Variants in PTPN9 observed in about 807,000 individuals in gnomAD.
The protein encoded by PTPN9 is protein tyrosine phosphatase non-receptor type 9, also known as tyrosine-protein phosphatase non-receptor type 9.
A neutral mutation model predicts 69.8 loss-of-function variants in PTPN9; 26 were observed. The ratio of observed to expected loss-of-function variants is 0.37; its 90% confidence interval spans 0.27 to 0.52. PTPN9 has a LOEUF of 0.52. PTPN9 is among the 20% of genes least tolerant of loss of function. The pLI, the probability that PTPN9 is intolerant of heterozygous loss-of-function variation, is 0.91. For synonymous variants in PTPN9, 274 were observed against 272.5 expected (o/e 1.01, Z -0.05); for missense variants, 549 against 740.3 (o/e 0.74, Z 3.00).
At chr15:75,484,366 G>T (rs946912086) in intron 8 of PTPN9, among the ~76,000 whole-genome samples, 3 of 152,180 alleles carry the variant, frequency 2.0e-5, no homozygotes, top group African/African-American at 7.2e-5. Context: ...AAGAAATAAA[G>T]CTACATCTCA....
chr15:75,484,485 G>A (rs990169754), intron 8 of PTPN9, among the ~76,000 whole-genome samples: 1 of 152,116 alleles, frequency 6.6e-6, no homozygotes, highest in Admixed American at 6.6e-5. Flanking sequence ...AACAGCTCCT[G>A]ACTACCTCTC....
intron 5 of PTPN9, among the ~76,000 whole-genome samples, chr15:75,509,489 G>A (rs1379914833): frequency 6.6e-6 from 1 of 152,172 alleles, no homozygotes; most frequent in Non-Finnish European, 1.5e-5. Context: ...GGGAGTTCAA[G>A]ACCAGCCTGG....
chr15:75,483,680 A>T (rs977848642), intron 8 of PTPN9, among the ~76,000 whole-genome samples: 1 of 152,212 alleles, frequency 6.6e-6, no homozygotes, highest in Admixed American at 6.5e-5. Context: ...TATACTTTAA[A>T]TAGGTAAATT....
At chr15:75,532,337 G>C (rs980630082) in intron 1 of PTPN9, among the ~76,000 whole-genome samples, 3 of 152,194 alleles carry the variant, frequency 2.0e-5, no homozygotes, top group Non-Finnish European at 4.4e-5. Context: ...AGGAGGCAGA[G>C]GTTGCAGTGA....
chr15:75,518,007 G>A (rs2074880666), intron 4 of PTPN9, among the ~76,000 whole-genome samples: 1 of 152,112 alleles, frequency 6.6e-6, no homozygotes, highest in Non-Finnish European at 1.5e-5. Context: ...CTCATTGATA[G>A]TAAATTTGTC....
intron 7 of PTPN9, among the ~76,000 whole-genome samples, chr15:75,503,232 A>C (rs1195165550): frequency 6.7e-6 from 1 of 148,944 alleles, no homozygotes; most frequent in Non-Finnish European, 1.5e-5. Context: ...GGAAGTGAGG[A>C]GCATCTCTGC....
chr15:75,478,356 C>T (rs904829746), intron 9 of PTPN9, among the ~76,000 whole-genome samples: 1 of 152,172 alleles, frequency 6.6e-6, no homozygotes, highest in Non-Finnish European at 1.5e-5. Flanking sequence ...CCACCTGCCT[C>T]GGCCTCCCAA....
At position 75,487,179 on chromosome 15, in the gene PTPN9, C is replaced by A. The variant is rs140311680; in HGVS notation, c.1062+3029G>T. The A allele has an allele frequency of 2.0e-5, 3 of 151,926 alleles. No homozygotes were observed. In the East Asian group the frequency reaches 5.8e-4, roughly 29 times the overall value. 9.4% of individuals were successfully genotyped at this position (151,926 alleles called of 1,614,324 possible). A position where few individuals can be genotyped will look rare whatever the true frequency, so the allele number is the denominator to read the frequency against. ...TGTATACCATAAATATATACAATTT[C>A]TATCAATTAAAATTTAAAAACAACT... is the stretch of plus-strand genomic sequence containing the variant. On this transcript the variant is annotated intron_variant, in intron 8 of 12. Coordinates refer to ENST00000618819, the MANE Select transcript of PTPN9 (RefSeq NM_002833.4).
intron 11 of PTPN9, among the ~76,000 whole-genome samples, 193 bp downstream of exon 11, chr15:75,470,487 A>G (rs1051019774): frequency 6.6e-6 from 1 of 152,194 alleles, no homozygotes; most frequent in Non-Finnish European, 1.5e-5. Flanking sequence ...CTTTACTCCT[A>G]TTTAATGTTC....
rs182643632 is a variant in PTPN9 at position 75,530,490 on chromosome 15, T to C, written c.64-3229A>G. On this transcript the variant is annotated intron_variant, in intron 1 of 12. Coordinates refer to ENST00000618819, the MANE Select transcript of PTPN9 (RefSeq NM_002833.4). ...ATTATAATAATAAAAATATATATTA[T>C]AATATATTATATTATAATATATTAT... Among the ~76,000 whole-genome samples the C allele has an allele frequency of 8.2e-3, 776 of 94,088 alleles. 37 individuals carry two copies. The highest frequency in any genetic ancestry group is 0.073 in the Admixed American group (384 of 5,244). The allele number at this position is 94,088 out of a possible 152,430, so 61.7% of individuals were successfully genotyped here.
At chr15:75,563,063 T>G (rs1337703884) in intron 1 of PTPN9, among the ~76,000 whole-genome samples, 2 of 152,144 alleles carry the variant, frequency 1.3e-5, no homozygotes, top group East Asian at 3.9e-4. Context: ...AATAGACAGC[T>G]TTTTGATCCT....
intron 9 of PTPN9, among the ~76,000 whole-genome samples, chr15:75,477,645 A>G (rs1203676652): frequency 6.6e-6 from 1 of 152,078 alleles, no homozygotes; most frequent in East Asian, 1.9e-4. Context: ...AGACATTATG[A>G]TATTTTATTC....
chr15:75,556,466 C>T (rs1046303917), intron 1 of PTPN9, among the ~76,000 whole-genome samples: 2 of 151,982 alleles, frequency 1.3e-5, no homozygotes. Flanking sequence ...CAACCTCCGC[C>T]TCCCAGGTTC....
intron 9 of PTPN9, 93 bp downstream of exon 9, chr15:75,479,755 G>A (rs2074617377): frequency 2.7e-6 from 3 of 1,113,664 alleles, no homozygotes; most frequent in Middle Eastern, 2.1e-4. Context: ...CTCCACTCAA[G>A]TTACCATTCG....
At chr15:75,572,549 A>G (rs147221257) in intron 1 of PTPN9, among the ~76,000 whole-genome samples, 158 of 151,716 alleles carry the variant, frequency 1.0e-3, no homozygotes, top group Middle Eastern at 3.4e-3. Flanking sequence ...ATCTCTACTA[A>G]AAAGAAAATA....
chr15:75,564,568 C>G (rs964401801), intron 1 of PTPN9, among the ~76,000 whole-genome samples: 1 of 149,702 alleles, frequency 6.7e-6, no homozygotes, highest in Admixed American at 6.7e-5. Context: ...TGACTCCAGC[C>G]TGGCCGACAG....
At chr15:75,503,533 C>G (rs1393519341) in intron 7 of PTPN9, among the ~76,000 whole-genome samples, 30 of 118,452 alleles carry the variant, frequency 2.5e-4, no homozygotes, top group Non-Finnish European at 5.0e-4. Context: ...CCGCCCCGTC[C>G]GGGAGGGAGG....
chr15:75,561,368 C>T (rs2141340947), intron 1 of PTPN9, among the ~76,000 whole-genome samples: 1 of 151,574 alleles, frequency 6.6e-6, no homozygotes, highest in South Asian at 2.1e-4. Flanking sequence ...AATTTTCTTC[C>T]TCAACTTTCT....
intron 8 of PTPN9, 44 bp downstream of exon 8, chr15:75,490,164 T>A (rs1351140946): frequency 7.1e-7 from 1 of 1,417,854 alleles, no homozygotes; most frequent in Non-Finnish European, 1.0e-6. Flanking sequence ...GAAGAAGCTC[T>A]ATTTCCCCCA....
Sources: allele counts gnomAD v4.1 joint callset (sites outside exome capture counted in the v4.1 genomes callset), GRCh38; gene constraint gnomAD v4.1.1; transcripts MANE v1.5; gene names NCBI Gene and HGNC (gene_info 2026-07-23, HGNC 2026-07-21).